Variants in TESK2 observed in about 807,000 individuals in gnomAD.
TESK2 encodes the protein testis associated actin remodelling kinase 2.
A neutral mutation model predicts 57.1 loss-of-function variants in TESK2; 39 were observed. The observed-to-expected ratio is 0.68, with a 90% confidence interval of 0.53 to 0.89. TESK2 has a LOEUF of 0.89. Among genes scored for constraint, TESK2 ranks in the 40% least tolerant of loss-of-function variants. TESK2 has a pLI of 0.00. For synonymous variants in TESK2, 249 were observed against 267.9 expected (o/e 0.93, Z 0.69); for missense variants, 646 against 732.1 (o/e 0.88, Z 1.36).
At chr1:45,420,361 C>T (rs1650421049) in intron 3 of TESK2, among the ~76,000 whole-genome samples, 1 of 151,898 alleles carries the variant, frequency 6.6e-6, no homozygotes, top group Admixed American at 6.6e-5. Context: ...ACCTCAGCCT[C>T]CCGAGTAGCT....
Position 45,384,607 on chromosome 1 carries a change from T to TA in TESK2, c.393+1304_393+1305insT, listed in dbSNP as rs1648810143. On this transcript the variant is annotated intron_variant, in intron 4 of 10. Transcript: ENST00000372086. ...GCTAATTATTAATTTTTTTTTTTTT[T>TA]TTTTTTTTTTTTTTTTTTTGTAGAG... 6.3e-5 allele frequency among the ~76,000 whole-genome samples: 8 copies of TA among 127,228 alleles called. No homozygotes were observed. In the East Asian group the frequency reaches 6.4e-4, roughly 10 times the overall value. The allele number at this position is 127,228 out of a possible 152,430, so 83.5% of individuals were successfully genotyped here. A position where few individuals can be genotyped will look rare whatever the true frequency, so the allele number is the denominator to read the frequency against.
intron 2 of TESK2, among the ~76,000 whole-genome samples, chr1:45,429,408 A>G (rs1470952405): frequency 6.6e-6 from 1 of 152,020 alleles, no homozygotes; most frequent in Non-Finnish European, 1.5e-5. Flanking sequence ...AAACAGATTA[A>G]AAAAAAATTT....
chr1:45,351,596 C>T (rs1169170597), intron 5 of TESK2, among the ~76,000 whole-genome samples: 2 of 152,220 alleles, frequency 1.3e-5, no homozygotes, highest in Non-Finnish European at 2.9e-5. Context: ...GAACATGTTA[C>T]CTCTACTTTA....
intron 2 of TESK2, among the ~76,000 whole-genome samples, chr1:45,436,181 C>CTTTATTTTTTTTTTTTTTTTT (rs1651208492): frequency 1.8e-5 from 1 of 56,604 alleles, no homozygotes; most frequent in African/African-American, 5.9e-5. Flanking sequence ...TTGGTATCTT[C>CTTTATTTTTTTTTTTTTTTTT]TTTTTTTTTT....
Position 45,347,599 on chromosome 1 carries a change from C to T in TESK2, c.708+10G>A, listed in dbSNP as rs746047481. ...AAGGAGAATCAGGCCTTGAGATCCT[C>T]CAAACTTACCTTTTCATTATAGGGC... On this transcript the variant is annotated intron_variant, in intron 7 of 10. Transcript: ENST00000372086. 1 of 1,612,456 alleles carries T rather than the reference C, an allele frequency of 6.2e-7. No individual in the cohort carries two copies. Among genetic ancestry groups the T allele is most frequent in the Admixed American group, 1.7e-5 (1 of 59,710 alleles).
At chr1:45,482,551 G>A (rs1037918324) in intron 1 of TESK2, among the ~76,000 whole-genome samples, 1 of 148,778 alleles carries the variant, frequency 6.7e-6, no homozygotes, top group Admixed American at 6.8e-5. Context: ...AATTTGAATT[G>A]CTTGATATGT....
intron 2 of TESK2, among the ~76,000 whole-genome samples, chr1:45,446,994 G>A (rs1418378246): frequency 6.6e-6 from 1 of 152,236 alleles, no homozygotes; most frequent in African/African-American, 2.4e-5. Flanking sequence ...AAGGTAGGGG[G>A]ATCATGTAAG....
chr1:45,440,446 G>A (rs1173993688), intron 2 of TESK2, among the ~76,000 whole-genome samples: 2 of 152,072 alleles, frequency 1.3e-5, no homozygotes, highest in African/African-American at 4.8e-5. Flanking sequence ...GGGCGCGGTG[G>A]CTCATGCCCG....
intron 3 of TESK2, among the ~76,000 whole-genome samples, chr1:45,410,738 T>C (rs1413954547): frequency 6.6e-6 from 1 of 151,834 alleles, no homozygotes; most frequent in Non-Finnish European, 1.5e-5. Flanking sequence ...TTCAATGTGA[T>C]TTCTTATTTA....
chr1:45,436,006 T>C (rs1389146723), intron 2 of TESK2, among the ~76,000 whole-genome samples: 3 of 151,976 alleles, frequency 2.0e-5, no homozygotes, highest in African/African-American at 7.2e-5. Flanking sequence ...TATACAAATA[T>C]CATGCTGTTG....
intron 3 of TESK2, among the ~76,000 whole-genome samples, chr1:45,410,146 ACT>A (rs1649983237): frequency 6.6e-6 from 1 of 151,864 alleles, no homozygotes; most frequent in Non-Finnish European, 1.5e-5. Flanking sequence ...ACAGAGTGAG[ACT>A]CTGTCTCAAA....
At chr1:45,439,879 G>A (rs776153746) in intron 2 of TESK2, among the ~76,000 whole-genome samples, 1 of 152,018 alleles carries the variant, frequency 6.6e-6, no homozygotes, top group African/African-American at 2.4e-5. Context: ...GATCACTTGA[G>A]CCCAGCAGTT....
At chr1:45,461,840 A>G (rs1171240960) in intron 1 of TESK2, among the ~76,000 whole-genome samples, 1 of 152,158 alleles carries the variant, frequency 6.6e-6, no homozygotes, top group South Asian at 2.1e-4. Flanking sequence ...TACATGAGAT[A>G]TTTTGATACA....
At chr1:45,377,513 G>A (rs1648479692) in intron 4 of TESK2, among the ~76,000 whole-genome samples, 1 of 149,898 alleles carries the variant, frequency 6.7e-6, no homozygotes, top group Admixed American at 6.6e-5. Context: ...CTGCCTCCCA[G>A]GCTCAAGTGA....
chr1:45,345,500 G>A lies in TESK2; in HGVS notation c.1056C>T (p.Pro352=), dbSNP rs758856632. The A allele has an allele frequency of 3.7e-6, 6 of 1,614,072 alleles. No homozygotes were observed. The Admixed American group carries it at 5.0e-5, about 13-fold the overall frequency. The stretch of plus-strand genomic sequence containing the variant: ...TACGTCTTGGGCATGGTGACTTGTG[G>A]GGGATCTTGTCATCCAGTGAGCTTA... ...KRLSSLDDKI[P]HKSPCPRRTI... is the part of the protein sequence containing the mutation. Residue 352 remains proline (P), a synonymous_variant, in exon 11 of 11, where the codon CCC becomes CCT. Coordinates refer to ENST00000372086, the MANE Select transcript of TESK2 (RefSeq NM_007170.3).
intron 1 of TESK2, among the ~76,000 whole-genome samples, chr1:45,470,446 T>C (rs1003808609): frequency 6.6e-6 from 1 of 152,194 alleles, no homozygotes; most frequent in Non-Finnish European, 1.5e-5. Context: ...TGAGTTGCAG[T>C]TTCCATTCAA....
At chr1:45,465,889 T>C (rs1438922125) in intron 1 of TESK2, among the ~76,000 whole-genome samples, 1 of 152,176 alleles carries the variant, frequency 6.6e-6, no homozygotes. Context: ...TGAATGTATT[T>C]AAAAAGTAAT....
intron 1 of TESK2, among the ~76,000 whole-genome samples, chr1:45,472,123 G>A (rs916460334): frequency 6.6e-6 from 1 of 151,864 alleles, no homozygotes; most frequent in African/African-American, 2.4e-5. Context: ...ATGGTGGCCG[G>A]CACCTGTAGT....
intron 1 of TESK2, among the ~76,000 whole-genome samples, chr1:45,463,222 A>G (rs1268077545): frequency 6.6e-6 from 1 of 152,152 alleles, no homozygotes; most frequent in Admixed American, 6.5e-5. Flanking sequence ...TTCTGTGCAG[A>G]AGCTTTTTAA....
Sources: allele counts gnomAD v4.1 joint callset (sites outside exome capture counted in the v4.1 genomes callset), GRCh38; gene constraint gnomAD v4.1.1; transcripts MANE v1.5; gene names NCBI Gene and HGNC (gene_info 2026-07-23, HGNC 2026-07-21).